The following KRTAP11-1 variants were observed in gnomAD, a reference collection of about 807,000 sequenced individuals.
The protein encoded by KRTAP11-1 is keratin-associated protein 11-1.
KRTAP11-1 carries 17 observed loss-of-function variants against 13.9 expected under a neutral mutation model. The ratio of observed to expected loss-of-function variants is 1.23; its 90% CI spans 0.84 to 1.84. The LOEUF (loss-of-function observed/expected upper bound fraction) is 1.84, where lower values mean the gene tolerates loss of function less well. KRTAP11-1 is among the 40% of genes most tolerant of loss of function. The pLI, the probability that KRTAP11-1 is intolerant of heterozygous loss-of-function variation, is 0.00. For synonymous variants in KRTAP11-1, 69 were observed against 81.6 expected, an observed-to-expected ratio of 0.85 and a Z score of 0.84; for missense variants, 181 against 200.9, an observed-to-expected ratio of 0.90 and a Z score of 0.60.
At position 30,881,250 on chromosome 21, in the gene KRTAP11-1, A is replaced by G; in HGVS notation, c.275T>C (p.Ile92Thr). ...GTAGGTAGTTGAGCAGGGGTTGGAA[A>G]TACAGGTAGTTTGTCGAGAGCAAGT... Reference protein sequence around the residue: ...QVTCSRQTTCISNPCSTTYSR... With the variant: ...QVTCSRQTTCTSNPCSTTYSR... Residue 92 changes from isoleucine (I) to threonine (T), a missense_variant, in exon 1 of 1, where the codon ATT becomes ACT. Transcript: ENST00000332378. 5 of 1,614,168 alleles carry G rather than the reference A, an allele frequency of 3.1e-6. No homozygotes were observed. Among genetic ancestry groups the G allele is most frequent in the Non-Finnish European group, 4.2e-6 (5 of 1,180,026 alleles).
chr21:30,880,843 C>A lies in KRTAP11-1; in HGVS notation c.*190G>T, dbSNP rs1175682640. 1.6e-5 allele frequency: 11 copies of A among 674,456 alleles called. No homozygotes were observed. Among genetic ancestry groups the A allele is most frequent in the Admixed American group, 8.7e-5 (3 of 34,428 alleles). 41.8% of individuals were successfully genotyped at this position (674,456 alleles called of 1,614,324 possible). On this transcript the variant is annotated 3_prime_UTR_variant, in exon 1 of 1. Coordinates refer to ENST00000332378, the MANE Select transcript of KRTAP11-1 (RefSeq NM_175858.3). ...CAGCACCAGTGAGCAACCCTTAAAA[C>A]AAGCTTAGGGCTGGCCAGAAAAATT...
rs749749472 is a variant in KRTAP11-1, at chr21:30,881,340, T to C, written c.185A>G (p.Glu62Gly). 1.2e-6 allele frequency: 2 copies of C among 1,614,082 alleles called. No individual in the cohort carries two copies. The highest frequency in any genetic ancestry group is 1.7e-6 in the Non-Finnish European group (2 of 1,179,998). The change falls in exon 1 of 1, where the codon GAG becomes GGG. Residue 62 changes from glutamate (E) to glycine (G), a missense_variant. Coordinates refer to ENST00000332378, the MANE Select transcript of KRTAP11-1 (RefSeq NM_175858.3). ...ACAGGTTGGCTGGCAAGCAGTGGGC[T>C]CACAGCAGGTCTCTTGACAGTGGTC... ...LLDHCQETCC[E>G]PTACQPTCYR...
Position 30,880,930 on chromosome 21 carries a change from G to T in KRTAP11-1, c.*103C>A. The T allele has an allele frequency of 1.4e-6, 2 of 1,434,010 alleles. No homozygotes were observed. Among genetic ancestry groups the T allele is most frequent in the Non-Finnish European group, 1.9e-6 (2 of 1,056,034 alleles). The allele number at this position is 1,434,010 out of a possible 1,614,324, so 88.8% of individuals were successfully genotyped here. On this transcript the variant is annotated 3_prime_UTR_variant, in exon 1 of 1. Coordinates refer to ENST00000332378, the MANE Select transcript of KRTAP11-1 (RefSeq NM_175858.3). Reference sequence around the variant, plus strand: ...CCAGCAGTCAGGCGGTCACAAGAAGGGTCAGCTATGAAGAGCTATTCAGGG... The same window carrying T: ...CCAGCAGTCAGGCGGTCACAAGAAGTGTCAGCTATGAAGAGCTATTCAGGG...
In KRTAP11-1 at chr21:30,881,344, A is replaced by C. The variant is rs771564970; in HGVS notation, c.181T>G (p.Cys61Gly). ...WLLDHCQETC[C>G]EPTACQPTCY... ...GTTGGCTGGCAAGCAGTGGGCTCAC[A>C]GCAGGTCTCTTGACAGTGGTCCAGG... The change falls in exon 1 of 1, where the codon TGT becomes GGT. Residue 61 changes from cysteine (C) to glycine (G), a missense_variant. By Grantham distance (159) the Cys-to-Gly change is radical. Coordinates refer to ENST00000332378, the MANE Select transcript of KRTAP11-1 (RefSeq NM_175858.3). 1.2e-6 allele frequency: 2 copies of C among 1,614,044 alleles called. No homozygotes were observed. Among genetic ancestry groups the C allele is most frequent in the Non-Finnish European group, 1.7e-6 (2 of 1,180,012 alleles).
Position 30,881,379 on chromosome 21 carries a change from C to A in KRTAP11-1, c.146G>T (p.Gly49Val). 1 of 1,614,136 alleles carries A rather than the reference C, an allele frequency of 6.2e-7. No individual in the cohort carries two copies. The highest frequency in any genetic ancestry group is 8.5e-7 in the Non-Finnish European group (1 of 1,180,018). Residue 49 changes from glycine (G) to valine (V), a missense_variant, in exon 1 of 1, where the codon GGC (glycine) becomes GTC (valine). Transcript: ENST00000332378. ...GICLPSSFQT[G>V]SWLLDHCQET... Reference sequence around the variant, plus strand: ...TTGACAGTGGTCCAGGAGCCAAGAGCCAGTCTGGAAGGAACTGGGCAAACA... The same window carrying A: ...TTGACAGTGGTCCAGGAGCCAAGAGACAGTCTGGAAGGAACTGGGCAAACA...
chr21:30,881,549 A>T lies in KRTAP11-1; in HGVS notation c.-25T>A. 6.4e-7 allele frequency: 1 copy of T among 1,573,594 alleles called. No homozygotes were observed. The highest frequency in any genetic ancestry group is 1.2e-5 in the South Asian group (1 of 83,212). ...TGATGTCAGACAGAGGGCTGCAGGT[A>T]GCTTGCTGAAGTTACCTCCTGAGTT... On this transcript the variant is annotated 5_prime_UTR_variant, in exon 1 of 1. Transcript: ENST00000332378.
In KRTAP11-1 at chr21:30,880,917, C is replaced by T. The variant is rs562424187; in HGVS notation, c.*116G>A. The T allele has an allele frequency of 1.9e-4, 253 of 1,333,824 alleles. No individual in the cohort carries two copies. The highest frequency in any genetic ancestry group is 2.7e-4 in the Middle Eastern group (1 of 3,666). 82.6% of individuals were successfully genotyped at this position (1,333,824 alleles called of 1,614,324 possible). A position where few individuals can be genotyped will look rare whatever the true frequency, so the allele number is the denominator to read the frequency against. On this transcript the variant is annotated 3_prime_UTR_variant, in exon 1 of 1. Transcript: ENST00000332378. Reference sequence around the variant, plus strand: ...GCATGGATAGTAGCCAGCAGTCAGGCGGTCACAAGAAGGGTCAGCTATGAA... The same window carrying T: ...GCATGGATAGTAGCCAGCAGTCAGGTGGTCACAAGAAGGGTCAGCTATGAA...
rs747068356 is a variant in KRTAP11-1 at position 30,881,543 on chromosome 21, G to T, written c.-19C>A. 1.9e-6 allele frequency: 3 copies of T among 1,581,570 alleles called. No individual in the cohort carries two copies. The highest frequency in any genetic ancestry group is 1.7e-6 in the Non-Finnish European group (2 of 1,164,812). On this transcript the variant is annotated 5_prime_UTR_variant, in exon 1 of 1. Coordinates refer to ENST00000332378, the MANE Select transcript of KRTAP11-1 (RefSeq NM_175858.3). ...AGGACATGATGTCAGACAGAGGGCT[G>T]CAGGTAGCTTGCTGAAGTTACCTCC...
Position 30,881,256 on chromosome 21 carries a change from G to A in KRTAP11-1, c.269C>T (p.Thr90Ile). 1 of 1,614,136 alleles carries A rather than the reference G, an allele frequency of 6.2e-7. No individual in the cohort carries two copies. The highest frequency in any genetic ancestry group is 1.7e-5 in the Admixed American group (1 of 60,032). Residue 90 changes from threonine (T) to isoleucine (I), a missense_variant, in exon 1 of 1, where the codon ACC becomes ATC. Transcript: ENST00000332378. ...PCQVTCSRQTTCISNPCSTTY... is the reference protein window; with the variant it reads ...PCQVTCSRQTICISNPCSTTY... ...AGTTGAGCAGGGGTTGGAAATACAGGTAGTTTGTCGAGAGCAAGTCACCTG... is the reference window on the plus strand; with the variant it reads ...AGTTGAGCAGGGGTTGGAAATACAGATAGTTTGTCGAGAGCAAGTCACCTG...
Position 30,881,094 on chromosome 21 carries a change from G to A in KRTAP11-1, c.431C>T (p.Ala144Val). ...CTGATACGTCCTGGAGACCCCACAGGCTGGCTGGCAGACAGTAGAGACTCC... is the reference window on the plus strand; with the variant it reads ...CTGATACGTCCTGGAGACCCCACAGACTGGCTGGCAGACAGTAGAGACTCC... ...VGGVSTVCQP[A>V]CGVSRTYQQS... Residue 144 changes from alanine to valine, a missense_variant, in exon 1 of 1, where the codon GCC (alanine) becomes GTC (valine). By Grantham distance (64) the Ala-to-Val change is moderately conservative (BLOSUM62 0). Transcript: ENST00000332378. The A allele has an allele frequency of 6.2e-7, 1 of 1,614,160 alleles. No homozygotes were observed. The highest frequency in any genetic ancestry group is 8.5e-7 in the Non-Finnish European group (1 of 1,180,012).
Position 30,880,945 on chromosome 21 carries a change from G to A in KRTAP11-1, c.*88C>T, listed in dbSNP as rs1169613537. On this transcript the variant is annotated 3_prime_UTR_variant, in exon 1 of 1. Transcript: ENST00000332378. ...TCACAAGAAGGGTCAGCTATGAAGA[G>A]CTATTCAGGGACAAGCAGCATGCTG... 2.0e-6 allele frequency: 3 copies of A among 1,497,982 alleles called. No homozygotes were observed. In the East Asian group the frequency reaches 6.8e-5, roughly 34 times the overall value. The allele number at this position is 1,497,982 out of a possible 1,614,324, so 92.8% of individuals were successfully genotyped here.
chr21:30,881,339 C>A lies in KRTAP11-1; in HGVS notation c.186G>T (p.Glu62Asp). The A allele has an allele frequency of 6.2e-7, 1 of 1,614,126 alleles. No homozygotes were observed. Among genetic ancestry groups the A allele is most frequent in the Non-Finnish European group, 8.5e-7 (1 of 1,180,002 alleles). ...AACAGGTTGGCTGGCAAGCAGTGGG[C>A]TCACAGCAGGTCTCTTGACAGTGGT... ...LLDHCQETCC[E>D]PTACQPTCYR... The change falls in exon 1 of 1, where the codon GAG becomes GAT. Residue 62 changes from glutamate (E) to aspartate (D), a missense_variant. Transcript: ENST00000332378.
rs566088420 is a variant in KRTAP11-1, at chr21:30,880,997, C to T, written c.*36G>A. The T allele has an allele frequency of 3.0e-5, 48 of 1,579,984 alleles. No homozygotes were observed. The highest frequency in any genetic ancestry group is 3.9e-5 in the Non-Finnish European group (45 of 1,160,852). On this transcript the variant is annotated 3_prime_UTR_variant, in exon 1 of 1. Transcript: ENST00000332378. ...AAGATCCTGGAAACAGCTGGCAGGT[C>T]GTGGAGTCTTGATTCGCTCACTGGC...
In KRTAP11-1 at chr21:30,880,923, C is replaced by T. The variant is rs957625943; in HGVS notation, c.*110G>A. 8 of 1,415,170 alleles carry T rather than the reference C, an allele frequency of 5.7e-6. No individual in the cohort carries two copies. In the African/African-American group the frequency reaches 7.2e-5, roughly 13 times the overall value. The allele number at this position is 1,415,170 out of a possible 1,614,324, so 87.7% of individuals were successfully genotyped here. ...ATAGTAGCCAGCAGTCAGGCGGTCA[C>T]AAGAAGGGTCAGCTATGAAGAGCTA... On this transcript the variant is annotated 3_prime_UTR_variant, in exon 1 of 1. Transcript: ENST00000332378.
Position 30,880,966 on chromosome 21 carries a change from T to C in KRTAP11-1, c.*67A>G. On this transcript the variant is annotated 3_prime_UTR_variant, in exon 1 of 1. Transcript: ENST00000332378. ...AAGAGCTATTCAGGGACAAGCAGCA[T>C]GCTGGAAGATCCTGGAAACAGCTGG... 6.4e-7 allele frequency: 1 copy of C among 1,553,182 alleles called. No individual in the cohort carries two copies. The highest frequency in any genetic ancestry group is 2.3e-5 in the East Asian group (1 of 44,346).
rs781466124 is a variant in KRTAP11-1 at position 30,881,251 on chromosome 21, T to C, written c.274A>G (p.Ile92Val). 2 of 1,614,044 alleles carry C rather than the reference T, an allele frequency of 1.2e-6. No individual in the cohort carries two copies. The highest frequency in any genetic ancestry group is 1.7e-6 in the Non-Finnish European group (2 of 1,180,004). ...TAGGTAGTTGAGCAGGGGTTGGAAA[T>C]ACAGGTAGTTTGTCGAGAGCAAGTC... is the stretch of plus-strand genomic sequence containing the variant. The part of the protein sequence containing the change: ...QVTCSRQTTC[I>V]SNPCSTTYSR... The change falls in exon 1 of 1, where the codon ATT becomes GTT. Residue 92 changes from isoleucine (I) to valine (V), a missense_variant. Coordinates refer to ENST00000332378, the MANE Select transcript of KRTAP11-1 (RefSeq NM_175858.3).
Position 30,881,495 on chromosome 21 carries a change from G to C in KRTAP11-1, c.30C>G (p.Cys10Trp), listed in dbSNP as rs1301751233. The change falls in exon 1 of 1, where the codon TGC becomes TGG. Residue 10 changes from cysteine (C) to tryptophan (W), a missense_variant. Transcript: ENST00000332378. MSFNCSTRN[C>W]SSRPIGGRCI... Reference sequence around the variant, plus strand: ...AGCGTCCTCCAATGGGCCTGGAAGAGCAATTTCTTGTGGAGCAGTTGAAGG... The same window carrying C: ...AGCGTCCTCCAATGGGCCTGGAAGACCAATTTCTTGTGGAGCAGTTGAAGG... 8 of 1,612,436 alleles carry C rather than the reference G, an allele frequency of 5.0e-6. No individual in the cohort carries two copies. Among genetic ancestry groups the C allele is most frequent in the Non-Finnish European group, 5.1e-6 (6 of 1,179,236 alleles).
In KRTAP11-1 at chr21:30,881,385, T is replaced by C; in HGVS notation, c.140A>G (p.Gln47Arg). The stretch of plus-strand genomic sequence containing the variant: ...GTGGTCCAGGAGCCAAGAGCCAGTC[T>C]GGAAGGAACTGGGCAAACAGATGCC... ...LGGICLPSSF[Q>R]TGSWLLDHCQ... Residue 47 changes from glutamine to arginine, a missense_variant, in exon 1 of 1, where the codon CAG becomes CGG. By Grantham distance (43) the Gln-to-Arg change is conservative (BLOSUM62 1). Coordinates refer to ENST00000332378, the MANE Select transcript of KRTAP11-1 (RefSeq NM_175858.3). 1 of 1,614,118 alleles carries C rather than the reference T, an allele frequency of 6.2e-7. No individual in the cohort carries two copies. The highest frequency in any genetic ancestry group is 8.5e-7 in the Non-Finnish European group (1 of 1,180,012).
Position 30,880,997 on chromosome 21 carries a change from C to A in KRTAP11-1, c.*36G>T. On this transcript the variant is annotated 3_prime_UTR_variant, in exon 1 of 1. Transcript: ENST00000332378. ...AAGATCCTGGAAACAGCTGGCAGGT[C>A]GTGGAGTCTTGATTCGCTCACTGGC... 1 of 1,579,980 alleles carries A rather than the reference C, an allele frequency of 6.3e-7. No homozygotes were observed. Among genetic ancestry groups the A allele is most frequent in the South Asian group, 1.2e-5 (1 of 85,258 alleles).
Sources: allele counts gnomAD v4.1 joint callset, GRCh38; gene constraint gnomAD v4.1.1; transcripts MANE v1.5; gene names NCBI Gene and HGNC (gene_info 2026-07-23, HGNC 2026-07-21).